The following IGF2BP3 variants were observed in gnomAD, a reference collection of about 807,000 sequenced individuals.
IGF2BP3 encodes insulin-like growth factor 2 mRNA-binding protein 3.
In IGF2BP3, 9 loss-of-function variants were observed where a neutral mutation model predicts 73.8. The observed-to-expected ratio is 0.12, with a 90% confidence interval of 0.07 to 0.21. IGF2BP3 has a LOEUF of 0.21. IGF2BP3 is among the 10% of genes least tolerant of loss of function. The pLI, the probability that IGF2BP3 is intolerant of heterozygous loss-of-function variation, is 1.00. For missense variants in IGF2BP3, 542 were observed against 714.0 expected (o/e 0.76, Z 2.75); for synonymous variants, 258 against 256.7 (o/e 1.01, Z -0.05).
chr7:23,390,825 G>A (rs550574477), intron 3 of IGF2BP3, among the ~76,000 whole-genome samples: 37 of 146,134 alleles, frequency 2.5e-4, no homozygotes, highest in African/African-American at 9.1e-4. Context: ...TTGAGACAGA[G>A]TCTCGCTCTG....
intron 2 of IGF2BP3, among the ~76,000 whole-genome samples, chr7:23,453,482 C>G (rs1268065263): frequency 6.6e-6 from 1 of 152,186 alleles, no homozygotes; most frequent in Non-Finnish European, 1.5e-5. Flanking sequence ...AGACTCCCAC[C>G]TACTAGAGAC....
chr7:23,466,423 T>TA, intron 2 of IGF2BP3, among the ~76,000 whole-genome samples: 1 of 152,370 alleles, frequency 6.6e-6, no homozygotes, highest in South Asian at 2.1e-4. Context: ...ACTTTGTTAG[T>TA]AAGATAGTAC....
chr7:23,422,428 G>A (rs554564788), intron 2 of IGF2BP3, among the ~76,000 whole-genome samples: 36 of 152,174 alleles, frequency 2.4e-4, no homozygotes, highest in Admixed American at 9.2e-4. Flanking sequence ...GGTGGCACAC[G>A]CCCGTAGTCC....
At chr7:23,377,680 G>A (rs1302196660) in intron 3 of IGF2BP3, among the ~76,000 whole-genome samples, 1 of 152,166 alleles carries the variant, frequency 6.6e-6, no homozygotes, top group Non-Finnish European at 1.5e-5. Context: ...GTTCAGAGCA[G>A]CATCATTCAA....
At chr7:23,385,308 G>A (rs1031838328) in intron 3 of IGF2BP3, among the ~76,000 whole-genome samples, 2 of 152,050 alleles carry the variant, frequency 1.3e-5, no homozygotes, top group African/African-American at 4.8e-5. Context: ...TGGAAGGGAG[G>A]GAGAAAGAAA....
chr7:23,410,061 C>G (rs1211022085), intron 3 of IGF2BP3, among the ~76,000 whole-genome samples: 1 of 152,070 alleles, frequency 6.6e-6, no homozygotes, highest in Non-Finnish European at 1.5e-5. Flanking sequence ...CCCAGCTACT[C>G]AGGAGGCTGA....
rs147499496 is a variant in IGF2BP3, at chr7:23,317,559, A to G, written c.1395+80T>C. 6,310 of 969,910 alleles carry G rather than the reference A, an allele frequency of 6.5e-3. 32 individuals carry two copies. The highest frequency in any genetic ancestry group is 9.1e-3 in the Non-Finnish European group (5,481 of 603,866). The allele number at this position is 969,910 out of a possible 1,614,324, so 60.1% of individuals were successfully genotyped here. ...CATTGACTCTTTCTGAGATTTAGACATATTTAAGGGAGACGCCAGGTTATG... is the reference window on the plus strand; with the variant it reads ...CATTGACTCTTTCTGAGATTTAGACGTATTTAAGGGAGACGCCAGGTTATG... On this transcript the variant is annotated intron_variant, in intron 12 of 14. Transcript: ENST00000258729.
chr7:23,376,497 T>C (rs1380626177), intron 3 of IGF2BP3, among the ~76,000 whole-genome samples: 1 of 138,336 alleles, frequency 7.2e-6, no homozygotes, highest in Non-Finnish European at 1.5e-5. Context: ...ATCACACCAC[T>C]GCACTTTAGC....
intron 3 of IGF2BP3, among the ~76,000 whole-genome samples, chr7:23,389,605 A>C (rs1454881881): frequency 6.6e-6 from 1 of 152,106 alleles, no homozygotes; most frequent in African/African-American, 2.4e-5. Flanking sequence ...ATAAATCTTT[A>C]ATCAACACAC....
chr7:23,444,027 C>CA (rs1268398725), intron 2 of IGF2BP3, among the ~76,000 whole-genome samples: 7 of 151,726 alleles, frequency 4.6e-5, no homozygotes, highest in Admixed American at 2.6e-4. Context: ...AAATACAAAA[C>CA]AAAAAAAACA....
At chr7:23,396,408 T>C (rs1042083082) in intron 3 of IGF2BP3, 2 of 153,898 alleles carry the variant, frequency 1.3e-5, no homozygotes, top group African/African-American at 2.6e-5. Context: ...TTCTGAAATA[T>C]GTACTTACAC....
At position 23,411,904 on chromosome 7, in the gene IGF2BP3, C is replaced by T. The variant is rs79779993; in HGVS notation, c.285+6872G>A. On this transcript the variant is annotated intron_variant, in intron 3 of 14. Coordinates refer to ENST00000258729, the MANE Select transcript of IGF2BP3 (RefSeq NM_006547.3). Reference sequence around the variant, plus strand: ...TTTTATATTAACTATGGTATTGTTTCGTTTTTCCTCCAGACTAGATAACAT... The same window carrying T: ...TTTTATATTAACTATGGTATTGTTTTGTTTTTCCTCCAGACTAGATAACAT... 1.3e-3 allele frequency among the ~76,000 whole-genome samples: 193 copies of T among 150,502 alleles called. No individual in the cohort carries two copies. The East Asian group carries it at 0.014, about 11-fold the overall frequency.
intron 13 of IGF2BP3, 87 bp downstream of exon 13, chr7:23,313,435 A>G (rs946997936): frequency 1.4e-5 from 20 of 1,454,156 alleles, no homozygotes; most frequent in Admixed American, 8.7e-5. Flanking sequence ...TTTATAAATT[A>G]GCCAAAATTC....
At chr7:23,464,659 G>C (rs1037272119) in intron 2 of IGF2BP3, among the ~76,000 whole-genome samples, 1 of 150,518 alleles carries the variant, frequency 6.6e-6, no homozygotes, top group African/African-American at 2.4e-5. Flanking sequence ...ACTCCAGCCT[G>C]GGCAACAGAG....
At chr7:23,314,765 G>A (rs1441390674) in intron 12 of IGF2BP3, among the ~76,000 whole-genome samples, 1 of 152,108 alleles carries the variant, frequency 6.6e-6, no homozygotes, top group Non-Finnish European at 1.5e-5. Flanking sequence ...TTTTTCCTTT[G>A]AATATTTTAA....
At chr7:23,358,098 G>GT (rs1203304213) in intron 5 of IGF2BP3, among the ~76,000 whole-genome samples, 22 of 152,202 alleles carry the variant, frequency 1.4e-4, no homozygotes, top group Non-Finnish European at 2.9e-4. Context: ...CATTATCTTA[G>GT]TTTTTCTCAG....
At chr7:23,455,224 G>A (rs1444635918) in intron 2 of IGF2BP3, among the ~76,000 whole-genome samples, 5 of 152,110 alleles carry the variant, frequency 3.3e-5, no homozygotes, top group Non-Finnish European at 4.4e-5. Flanking sequence ...ACTCCATCAC[G>A]CACGCAGGCT....
Position 23,407,874 on chromosome 7 carries a change from A to G in IGF2BP3, c.285+10902T>C, listed in dbSNP as rs187713870. Among the ~76,000 whole-genome samples the G allele has an allele frequency of 2.3e-3, 347 of 148,044 alleles. 2 individuals carry two copies. Among genetic ancestry groups the G allele is most frequent in the African/African-American group, 7.8e-3 (315 of 40,396 alleles). The stretch of plus-strand genomic sequence containing the variant: ...AAATGTTAGCAAATTAAACCAAGCA[A>G]AAAGAATAAAATACCACAATAAAGT... On this transcript the variant is annotated intron_variant, in intron 3 of 14. Transcript: ENST00000258729.
At chr7:23,450,297 A>T (rs1045130685) in intron 2 of IGF2BP3, among the ~76,000 whole-genome samples, 15 of 152,236 alleles carry the variant, frequency 9.9e-5, no homozygotes, top group Non-Finnish European at 1.5e-5. Context: ...TTGCAAGACG[A>T]ACCAGTCAAG....
Sources: allele counts gnomAD v4.1 joint callset (sites outside exome capture counted in the v4.1 genomes callset), GRCh38; gene constraint gnomAD v4.1.1; transcripts MANE v1.5; gene names NCBI Gene and HGNC (gene_info 2026-07-23, HGNC 2026-07-21).